Variants in UNC13A observed in about 807,000 individuals in gnomAD.
UNC13A encodes unc-13 homolog A, also known as protein unc-13 homolog A.
A neutral mutation model predicts 219.7 loss-of-function variants in UNC13A; 61 were observed. The observed-to-expected ratio is 0.28, with a 90% CI of 0.23 to 0.34. UNC13A has a LOEUF of 0.34. Among genes scored for constraint, UNC13A ranks in the 10% least tolerant of loss-of-function variants. UNC13A has a pLI of 1.00. For missense variants in UNC13A, 1,476 were observed against 2,270.3 expected (o/e 0.65, Z 7.11); for synonymous variants, 920 against 884.6 (o/e 1.04, Z -0.71).
intron 1 of UNC13A, among the ~76,000 whole-genome samples, 173 bp downstream of exon 1, chr19:17,688,005 C>A (rs1300513741): frequency 2.6e-5 from 4 of 151,860 alleles, no homozygotes; most frequent in African/African-American, 9.7e-5. Context: ...GCCGCGTCTA[C>A]ACGGATCACC....
chr19:17,639,631 T>G, intron 23 of UNC13A, 106 bp from the exon 24 acceptor site: 1 of 1,321,678 alleles, frequency 7.6e-7, no homozygotes, highest in Non-Finnish European at 1.1e-6. Context: ...GGCTGGGGGT[T>G]GATTAGAGCA....
At chr19:17,683,674 A>G (rs2080060159) in intron 1 of UNC13A, among the ~76,000 whole-genome samples, 1 of 151,996 alleles carries the variant, frequency 6.6e-6, no homozygotes, top group South Asian at 2.1e-4. Flanking sequence ...CAAACAAACA[A>G]ACAAAAAAGC....
At chr19:17,656,476 C>T in intron 9 of UNC13A, 78 bp from the exon 10 acceptor site, 1 of 1,363,552 alleles carries the variant, frequency 7.3e-7, no homozygotes. Flanking sequence ...CAGGCATTGA[C>T]TCATCACCGA....
intron 28 of UNC13A, among the ~76,000 whole-genome samples, chr19:17,631,207 CCTTCCTT>C (rs2076849385): frequency 1.9e-5 from 1 of 52,330 alleles, no homozygotes; most frequent in African/African-American, 7.0e-5. Flanking sequence ...TCCCTCCCTT[CCTTCCTT>C]CCTTCCTTCT....
chr19:17,634,125 C>T (rs1202959888), intron 26 of UNC13A, among the ~76,000 whole-genome samples: 1 of 152,164 alleles, frequency 6.6e-6, no homozygotes, highest in Non-Finnish European at 1.5e-5. Context: ...ATCTGTTCAT[C>T]CATCCATCCG....
rs1276068589 is a variant in UNC13A, at chr19:17,649,413, C to T, written c.1519-69G>A. 3.1e-6 allele frequency: 5 copies of T among 1,613,210 alleles called. No homozygotes were observed. The highest frequency in any genetic ancestry group is 3.4e-6 in the Non-Finnish European group (4 of 1,179,714). The stretch of plus-strand genomic sequence containing the variant: ...TTAGTCTCAGAGAATGCCTAGCTGG[C>T]CCCCAACCCCAGGTTGACCATGGGC... On this transcript the variant is annotated intron_variant, in intron 13 of 43. Transcript: ENST00000519716. The surrounding 1 kb of genome is among the most constrained non-coding windows in gnomAD (Gnocchi z 4.4).
intron 28 of UNC13A, among the ~76,000 whole-genome samples, chr19:17,631,051 CCA>C (rs2076838484): frequency 6.7e-6 from 1 of 148,960 alleles, no homozygotes; most frequent in African/African-American, 2.5e-5. Flanking sequence ...AGTCCTCCGT[CCA>C]TCCTTCCCTC....
Position 17,655,943 on chromosome 19 carries a change from G to T in UNC13A, c.1223C>A (p.Pro408His). 1 of 1,544,246 alleles carries T rather than the reference G, an allele frequency of 6.5e-7. No individual in the cohort carries two copies. ...CTGCTCAGCTGCAGGCACCTTGTCG[G>T]GCGTGGCTGGCTTGGGGGCCACCTT... ...MAKVAPKPAT[P>H]DKVPAAEQIP... is the part of the protein sequence containing the mutation. Residue 408 changes from proline to histidine, a missense_variant, in exon 10 of 44, where the codon CCC (proline) becomes CAC (histidine). This residue lies in a region of UNC13A where 351 missense variants were observed against 342.6 expected (regional missense o/e 1.02). Coordinates refer to ENST00000519716, the MANE Select transcript of UNC13A (RefSeq NM_001080421.3).
rs2076682485 is a variant in UNC13A, at chr19:17,617,706, G to C, written c.4554C>G (p.Ala1518=). ...LIKTFVQTQS[A]QGLGVEDPVG... is the part of the protein sequence containing the mutation. The stretch of plus-strand genomic sequence containing the variant: ...ATGCGGTCTGGGTACCCTTACCCTG[G>C]GCCGATTGCGTCTGTACAAAGGTCT... Residue 1518 remains alanine (A), a synonymous_variant, in exon 41 of 44, where the codon GCC becomes GCG. Coordinates refer to ENST00000519716, the MANE Select transcript of UNC13A (RefSeq NM_001080421.3). 1.2e-6 allele frequency: 2 copies of C among 1,613,600 alleles called. No homozygotes were observed. Among genetic ancestry groups the C allele is most frequent in the Non-Finnish European group, 1.7e-6 (2 of 1,179,544 alleles).
At chr19:17,687,225 C>T (rs918342912) in intron 1 of UNC13A, among the ~76,000 whole-genome samples, 1 of 152,192 alleles carries the variant, frequency 6.6e-6, no homozygotes, top group African/African-American at 2.4e-5. Flanking sequence ...CGTCTCCCTC[C>T]CTCCTCCAAC....
chr19:17,623,802 A>T (rs975977475), intron 35 of UNC13A, among the ~76,000 whole-genome samples: 2 of 152,052 alleles, frequency 1.3e-5, no homozygotes, highest in African/African-American at 4.8e-5. Flanking sequence ...TAATGTGCCC[A>T]CAGCCCACAT....
At chr19:17,676,894 G>C (rs2079909636) in intron 1 of UNC13A, among the ~76,000 whole-genome samples, 1 of 152,112 alleles carries the variant, frequency 6.6e-6, no homozygotes, top group Non-Finnish European at 1.5e-5. Context: ...GGCGCCTATA[G>C]TCTCAGCTAC....
intron 3 of UNC13A, among the ~76,000 whole-genome samples, chr19:17,673,051 C>G (rs1232994593): frequency 1.3e-5 from 2 of 152,144 alleles, no homozygotes; most frequent in African/African-American, 4.8e-5. Context: ...AAAGATTTAT[C>G]TTAAGAAATA....
rs926337368 is a variant in UNC13A at position 17,603,237 on chromosome 19, C to T, written c.*2817G>A. On this transcript the variant is annotated 3_prime_UTR_variant, in exon 44 of 44. Coordinates refer to ENST00000519716, the MANE Select transcript of UNC13A (RefSeq NM_001080421.3). The stretch of plus-strand genomic sequence containing the variant: ...AACCCTAAACACACACACACACACA[C>T]GGAGGTCTTGAACAGAAAGACTCCT... 6 of 152,046 alleles carry T rather than the reference C, an allele frequency of 3.9e-5. No individual in the cohort carries two copies. The highest frequency in any genetic ancestry group is 1.2e-4 in the African/African-American group (5 of 41,332). The allele number at this position is 152,046 out of a possible 1,614,324, so 9.4% of individuals were successfully genotyped here.
rs1599411244 is a variant in UNC13A, at chr19:17,674,514, T to G, written c.152+143A>C. The G allele has an allele frequency of 1.5e-6, 1 of 669,530 alleles. No homozygotes were observed. The highest frequency in any genetic ancestry group is 2.6e-6 in the Non-Finnish European group (1 of 383,240). The allele number at this position is 669,530 out of a possible 1,614,324, so 41.5% of individuals were successfully genotyped here. ...TTGGATTGGGGATGTGTTTTGGAGG[T>G]GAAGGTGATAAGGTGGACAGGGGAA... On this transcript the variant is annotated intron_variant, in intron 3 of 43. Transcript: ENST00000519716. This position sits in a 1 kb window ranked among gnomAD's most constrained non-coding sequence, Gnocchi z 5.0.
intron 43 of UNC13A, among the ~76,000 whole-genome samples, chr19:17,609,274 C>T (rs2076576154): frequency 1.3e-5 from 2 of 151,954 alleles, no homozygotes; most frequent in Admixed American, 1.3e-4. Context: ...TCGGCCAGAG[C>T]AGACTTTTTT....
intron 20 of UNC13A, among the ~76,000 whole-genome samples, chr19:17,641,946 A>G (rs2076974760): frequency 6.6e-6 from 1 of 151,928 alleles, no homozygotes; most frequent in Non-Finnish European, 1.5e-5. Context: ...GAAATTATGA[A>G]CCCAATTATC....
In UNC13A at chr19:17,668,195, A is replaced by G. The variant is rs1221637737; in HGVS notation, c.395-5T>C. On this transcript the variant is annotated splice_region_variant and splice_polypyrimidine_tract_variant and intron_variant, in intron 5 of 43. Transcript: ENST00000519716. The stretch of plus-strand genomic sequence containing the variant: ...GAGCCTCCTCTTCAGGAATGTCTGC[A>G]AGCAGAGCCCTGTCTGTGAGCCTGG... 1.2e-6 allele frequency: 2 copies of G among 1,613,086 alleles called. No individual in the cohort carries two copies. Among genetic ancestry groups the G allele is most frequent in the Admixed American group, 3.3e-5 (2 of 59,964 alleles).
chr19:17,627,823 G>T lies in UNC13A; in HGVS notation c.3831+40C>A. ...CCTGCAGGGACACAGTGGTGGGGGT[G>T]CCCCATCCCTTCTCCAGCCCTGCCT... On this transcript the variant is annotated intron_variant, in intron 32 of 43. Coordinates refer to ENST00000519716, the MANE Select transcript of UNC13A (RefSeq NM_001080421.3). The surrounding 1 kb of genome is among the most constrained non-coding windows in gnomAD (Gnocchi z 4.7). 1 of 1,558,272 alleles carries T rather than the reference G, an allele frequency of 6.4e-7. No individual in the cohort carries two copies. The highest frequency in any genetic ancestry group is 8.7e-7 in the Non-Finnish European group (1 of 1,145,724).
Sources: allele counts gnomAD v4.1 joint callset (sites outside exome capture counted in the v4.1 genomes callset), GRCh38; gene constraint gnomAD v4.1.1; regional missense constraint gnomAD v4.1.1; non-coding constraint Gnocchi (gnomAD v3.1); transcripts MANE v1.5; gene names NCBI Gene and HGNC (gene_info 2026-07-23, HGNC 2026-07-21).